The following GPATCH2 variants were observed in gnomAD, a reference collection of about 807,000 sequenced individuals.
The protein encoded by GPATCH2 is G-patch domain containing 2.
Under a neutral mutation model 58.0 loss-of-function variants are expected in GPATCH2, and 51 were observed. That is an observed-to-expected ratio of 0.88 (90% CI 0.70 to 1.11). The LOEUF (loss-of-function observed/expected upper bound fraction) is 1.11. Ranked by LOEUF, GPATCH2 falls within the 50% of genes most tolerant of loss-of-function variation. The probability of loss-of-function intolerance (pLI) is 0.00; values close to 1 mark genes in which losing one functional copy is unlikely to be tolerated. For missense variants in GPATCH2, 625 were observed against 652.2 expected (o/e 0.96, Z 0.45); for synonymous variants, 222 against 218.5 (o/e 1.02, Z -0.14).
At chr1:217,595,092 C>T (rs1406631669) in intron 5 of GPATCH2, among the ~76,000 whole-genome samples, 3 of 152,092 alleles carry the variant, frequency 2.0e-5, no homozygotes, top group African/African-American at 4.8e-5. Flanking sequence ...ACAGTCAATT[C>T]CAAAAGTTGA....
intron 5 of GPATCH2, among the ~76,000 whole-genome samples, chr1:217,519,385 T>C (rs778243686): frequency 6.6e-6 from 1 of 152,078 alleles, no homozygotes; most frequent in Non-Finnish European, 1.5e-5. Context: ...CATACAAACA[T>C]GTAAAAATTA....
intron 5 of GPATCH2, among the ~76,000 whole-genome samples, chr1:217,580,633 C>A (rs1243039853): frequency 6.6e-6 from 1 of 152,152 alleles, no homozygotes; most frequent in Non-Finnish European, 1.5e-5. Flanking sequence ...TCATCCTCCT[C>A]CTTTAAAATC....
chr1:217,625,271 A>G (rs1669396418), intron 1 of GPATCH2, among the ~76,000 whole-genome samples: 1 of 152,206 alleles, frequency 6.6e-6, no homozygotes, highest in Non-Finnish European at 1.5e-5. Context: ...GAATAAGACC[A>G]ATCAATGTAG....
intron 5 of GPATCH2, chr1:217,608,761 A>G (rs1346529676): frequency 5.8e-5 from 57 of 981,296 alleles, no homozygotes; most frequent in South Asian, 1.4e-4. Context: ...GAAAAAAAAC[A>G]TGAATTTTCA....
intron 1 of GPATCH2, among the ~76,000 whole-genome samples, chr1:217,630,385 G>A (rs1361016305): frequency 1.3e-5 from 2 of 152,146 alleles, no homozygotes; most frequent in Admixed American, 1.3e-4. Flanking sequence ...TTCTTGGAAA[G>A]CCCCCATACA....
chr1:217,454,837 T>G (rs1407608253), intron 8 of GPATCH2, among the ~76,000 whole-genome samples: 2 of 151,856 alleles, frequency 1.3e-5, no homozygotes, highest in Non-Finnish European at 2.9e-5. Flanking sequence ...TTTCACCTTA[T>G]TGGCCAGGCT....
intron 8 of GPATCH2, among the ~76,000 whole-genome samples, chr1:217,459,120 A>C (rs1258731590): frequency 1.3e-5 from 2 of 152,234 alleles, no homozygotes; most frequent in Non-Finnish European, 2.9e-5. Flanking sequence ...TTAAAATAAT[A>C]ACACTTCTTT....
At chr1:217,531,808 C>A (rs1571872046) in intron 5 of GPATCH2, among the ~76,000 whole-genome samples, 1 of 152,250 alleles carries the variant, frequency 6.6e-6, no homozygotes, top group Non-Finnish European at 1.5e-5. Context: ...AGGATGCTGT[C>A]AAGCACTAGC....
chr1:217,548,184 T>C (rs1558475428), intron 5 of GPATCH2, among the ~76,000 whole-genome samples: 3 of 152,128 alleles, frequency 2.0e-5, no homozygotes, highest in African/African-American at 7.2e-5. Context: ...CTTCATGTTC[T>C]CACTTATAAG....
At chr1:217,546,900 A>C (rs1364077259) in intron 5 of GPATCH2, among the ~76,000 whole-genome samples, 3 of 152,214 alleles carry the variant, frequency 2.0e-5, no homozygotes, top group Non-Finnish European at 4.4e-5. Context: ...TACAAGAAAA[A>C]AACCCAAACA....
At chr1:217,614,306 C>T (rs557662235) in intron 2 of GPATCH2, 104 bp from the exon 3 acceptor site, 1 of 665,510 alleles carries the variant, frequency 1.5e-6, no homozygotes, top group South Asian at 1.9e-5. Context: ...TTAAGCCTGA[C>T]AAAGATCTGA....
intron 1 of GPATCH2, among the ~76,000 whole-genome samples, chr1:217,625,379 A>C (rs913916131): frequency 1.3e-5 from 2 of 152,222 alleles, no homozygotes; most frequent in Non-Finnish European, 2.9e-5. Flanking sequence ...ATCTACCCTA[A>C]GAACTGGGAG....
chr1:217,559,292 G>A (rs997548484), intron 5 of GPATCH2, among the ~76,000 whole-genome samples: 1 of 150,590 alleles, frequency 6.6e-6, no homozygotes, highest in Non-Finnish European at 1.5e-5. Context: ...CATGGATCAC[G>A]ACTCATTCTA....
chr1:217,596,764 T>A (rs1474774738), intron 5 of GPATCH2, among the ~76,000 whole-genome samples: 1 of 152,166 alleles, frequency 6.6e-6, no homozygotes, highest in African/African-American at 2.4e-5. Context: ...AGAAGCTCTA[T>A]TTGTACAGAT....
At chr1:217,525,957 A>C (rs1663882989) in intron 5 of GPATCH2, among the ~76,000 whole-genome samples, 1 of 152,184 alleles carries the variant, frequency 6.6e-6, no homozygotes, top group South Asian at 2.1e-4. Context: ...TTGGCAGCTA[A>C]AATTTATTTT....
chr1:217,537,271 C>CATT (rs1664522950), intron 5 of GPATCH2, among the ~76,000 whole-genome samples: 3 of 152,102 alleles, frequency 2.0e-5, no homozygotes, highest in Non-Finnish European at 2.9e-5. Flanking sequence ...CATGTCTACC[C>CATT]TGCTAGGTAG....
chr1:217,488,904 T>C (rs1450087977), intron 8 of GPATCH2, among the ~76,000 whole-genome samples: 2 of 151,398 alleles, frequency 1.3e-5, no homozygotes, highest in Non-Finnish European at 1.5e-5. Context: ...ATGTTGCCCA[T>C]GGTGGTCTCA....
At chr1:217,433,850 T>C (rs1332226683) in intron 9 of GPATCH2, among the ~76,000 whole-genome samples, 1 of 152,264 alleles carries the variant, frequency 6.6e-6, no homozygotes, top group Non-Finnish European at 1.5e-5. Context: ...AGTCACGCTC[T>C]GTGATTCTCA....
chr1:217,438,189 T>A lies in GPATCH2; in HGVS notation c.1367-6824A>T, dbSNP rs1658938611. Among the ~76,000 whole-genome samples the A allele has an allele frequency of 2.6e-5, 4 of 151,822 alleles. No individual in the cohort carries two copies. In the South Asian group the frequency reaches 8.3e-4, roughly 32 times the overall value. On this transcript the variant is annotated intron_variant, in intron 9 of 9. Coordinates refer to ENST00000366935, the MANE Select transcript of GPATCH2 (RefSeq NM_018040.5). ...CAAACAGAAAGGAATAGCATCAACA[T>A]CAACAAAAATGACGTCTGCACAGAA...
Sources: gnomAD v4.1 joint callset for allele counts (sites outside exome capture counted in the v4.1 genomes callset) on GRCh38, gnomAD v4.1.1 for gene constraint, MANE v1.5 for transcripts, NCBI Gene and HGNC (gene_info 2026-07-23, HGNC 2026-07-21) for gene names.